IGF2BP1: variants seen among roughly 807,000 people sequenced by gnomAD.
The protein encoded by IGF2BP1 is insulin-like growth factor 2 mRNA-binding protein 1.
IGF2BP1 carries 11 observed loss-of-function variants against 74.9 expected under a neutral mutation model. The ratio of observed to expected loss-of-function variants is 0.15; its 90% CI spans 0.09 to 0.24. IGF2BP1 has a LOEUF of 0.24. Among genes scored for constraint, IGF2BP1 ranks in the 10% least tolerant of loss-of-function variants. The pLI, the probability that IGF2BP1 is intolerant of heterozygous loss-of-function variation, is 1.00. For missense variants in IGF2BP1, 440 were observed against 757.4 expected (o/e 0.58, Z 4.92); for synonymous variants, 287 against 281.8 (o/e 1.02, Z -0.18).
At chr17:49,042,172 C>T (rs910638353) in intron 8 of IGF2BP1, 70 bp from the exon 9 acceptor site, 72 of 1,599,144 alleles carry the variant, frequency 4.5e-5, no homozygotes, top group African/African-American at 2.6e-4. Context: ...GCTGGCCTCT[C>T]GTCTTTGTTA....
At chr17:49,004,032 C>A (rs1260452646) in intron 2 of IGF2BP1, among the ~76,000 whole-genome samples, 2 of 152,004 alleles carry the variant, frequency 1.3e-5, no homozygotes, top group Non-Finnish European at 2.9e-5. Context: ...CTGGAGCGCT[C>A]GCCCCGGCCC....
chr17:49,055,361 A>G lies in IGF2BP1; in HGVS notation c.*5917A>G, dbSNP rs1441325341. ...CCTGTCTCACCCCATCCCCCACCCT[A>G]TTCCTGCCAGTGAGTCCTTCCTGTG... is the stretch of plus-strand genomic sequence containing the variant. On this transcript the variant is annotated 3_prime_UTR_variant, in exon 15 of 15. Transcript: ENST00000290341. 6.3e-6 allele frequency: 2 copies of G among 318,928 alleles called. No individual in the cohort carries two copies. The highest frequency in any genetic ancestry group is 2.1e-5 in the African/African-American group (1 of 46,808). 19.8% of individuals were successfully genotyped at this position (318,928 alleles called of 1,614,324 possible).
chr17:49,015,891 C>T (rs1466664916), intron 2 of IGF2BP1, among the ~76,000 whole-genome samples: 1 of 152,178 alleles, frequency 6.6e-6, no homozygotes, highest in Non-Finnish European at 1.5e-5. Context: ...TAGCACCTTC[C>T]ACAAGTTGCT....
At chr17:49,039,872 G>T (rs1403332032) in intron 6 of IGF2BP1, 85 bp from the exon 7 acceptor site, 3 of 1,454,250 alleles carry the variant, frequency 2.1e-6, no homozygotes, top group African/African-American at 2.8e-5. Context: ...CTATGCCTTT[G>T]ACTGAGGAGG....
At chr17:48,999,619 G>T (rs1362567005) in intron 2 of IGF2BP1, among the ~76,000 whole-genome samples, 1 of 151,988 alleles carries the variant, frequency 6.6e-6, no homozygotes, top group Non-Finnish European at 1.5e-5. Context: ...CTCCCGAAGC[G>T]ATGTGGAATG....
intron 1 of IGF2BP1, among the ~76,000 whole-genome samples, chr17:48,998,410 C>T (rs923811223): frequency 3.3e-5 from 5 of 152,248 alleles, no homozygotes; most frequent in Non-Finnish European, 7.3e-5. Context: ...GGGAATGCAG[C>T]CCTCCAGCAG....
At chr17:49,020,650 C>CT (rs1215273055) in intron 2 of IGF2BP1, among the ~76,000 whole-genome samples, 1 of 152,162 alleles carries the variant, frequency 6.6e-6, no homozygotes, top group Non-Finnish European at 1.5e-5. Context: ...ATAAAAAACA[C>CT]TTAAGAGTTC....
intron 7 of IGF2BP1, 21 bp downstream of exon 7, chr17:49,040,112 G>A: frequency 6.2e-7 from 1 of 1,613,112 alleles, no homozygotes. Flanking sequence ...AGCTTTTCTT[G>A]GATCTTCAGG....
At position 49,039,851 on chromosome 17, in the gene IGF2BP1, A is replaced by G. The variant is rs911570563; in HGVS notation, c.684-106A>G. 1.4e-5 allele frequency: 17 copies of G among 1,204,814 alleles called. No individual in the cohort carries two copies. The African/African-American group carries it at 2.6e-4, about 18-fold the overall frequency. The allele number at this position is 1,204,814 out of a possible 1,614,324, so 74.6% of individuals were successfully genotyped here. A position where few individuals can be genotyped will look rare whatever the true frequency, so the allele number is the denominator to read the frequency against. ...TGTACTTGATTGTCCTTGTTTCAAGAAGAGCAGGTTCTATGCCTTTGACTG... is the reference window on the plus strand; with the variant it reads ...TGTACTTGATTGTCCTTGTTTCAAGGAGAGCAGGTTCTATGCCTTTGACTG... On this transcript the variant is annotated intron_variant, in intron 6 of 14. Transcript: ENST00000290341.
chr17:49,041,978 CTTGGAGGCACAACCATAATCTGAGA>C (rs993606429), intron 8 of IGF2BP1, among the ~76,000 whole-genome samples: 4 of 152,200 alleles, frequency 2.6e-5, no homozygotes, highest in East Asian at 3.8e-4. Flanking sequence ...AATGGGGAAA[CTTGGAGGCACAACCATAATCTGAGA>C]TTGGATCCAT....
intron 4 of IGF2BP1, among the ~76,000 whole-genome samples, chr17:49,030,892 G>C (rs994352633): frequency 1.3e-5 from 2 of 152,158 alleles, no homozygotes; most frequent in African/African-American, 2.4e-5. Context: ...GCCTCCCAAA[G>C]TGCTGGGGAT....
intron 2 of IGF2BP1, among the ~76,000 whole-genome samples, chr17:49,012,271 A>T (rs1483551391): frequency 1.3e-5 from 2 of 152,194 alleles, no homozygotes; most frequent in Non-Finnish European, 1.5e-5. Flanking sequence ...AAGATGAGAA[A>T]TGGGAATTCT....
At chr17:49,047,826 A>G (rs1489476625) in intron 14 of IGF2BP1, among the ~76,000 whole-genome samples, 2 of 149,178 alleles carry the variant, frequency 1.3e-5, no homozygotes, top group African/African-American at 5.0e-5. Flanking sequence ...TGATCCTCCC[A>G]CCTCAGGCCC....
At chr17:49,034,943 T>C (rs779991228) in intron 5 of IGF2BP1, among the ~76,000 whole-genome samples, 17 of 152,188 alleles carry the variant, frequency 1.1e-4, no homozygotes, top group Non-Finnish European at 2.1e-4. Flanking sequence ...TCGGCTGACA[T>C]TGACAAGTTG....
At chr17:49,015,514 C>T (rs1304694693) in intron 2 of IGF2BP1, among the ~76,000 whole-genome samples, 1 of 152,232 alleles carries the variant, frequency 6.6e-6, no homozygotes, top group East Asian at 1.9e-4. Flanking sequence ...CTCCCCATCT[C>T]AGATTGCAGG....
intron 2 of IGF2BP1, 24 bp from the exon 3 acceptor site, chr17:49,025,594 A>C: frequency 1.9e-6 from 3 of 1,609,560 alleles, no homozygotes; most frequent in Non-Finnish European, 2.5e-6. Flanking sequence ...GCTTTCTTTA[A>C]CTCTGCTCCC....
At chr17:49,043,757 C>CTT (rs2042078927) in intron 10 of IGF2BP1, among the ~76,000 whole-genome samples, 2 of 152,184 alleles carry the variant, frequency 1.3e-5, no homozygotes, top group African/African-American at 4.8e-5. Context: ...GGGGCATAGA[C>CTT]AGCACTGTTC....
chr17:49,034,037 C>T (rs4794020), intron 5 of IGF2BP1, among the ~76,000 whole-genome samples: 50,689 of 149,690 alleles, frequency 0.34, 9,090 homozygotes, highest in African/African-American at 0.42. Context: ...GTTGCCCAGG[C>T]TAGTGTCAAA....
chr17:49,043,993 G>T lies in IGF2BP1; in HGVS notation c.1227G>T (p.Gln409His), dbSNP rs2042082615. The T allele has an allele frequency of 6.2e-7, 1 of 1,614,074 alleles. No homozygotes were observed. The highest frequency in any genetic ancestry group is 1.3e-5 in the African/African-American group (1 of 75,026). Reference protein sequence around the residue: ...FMQAPEQEMVQVFIPAQAVGA... With the variant: ...FMQAPEQEMVHVFIPAQAVGA... The stretch of plus-strand genomic sequence containing the variant: ...AGGCTCCCGAGCAGGAGATGGTGCA[G>T]GTGTTTATCCCCGCCCAGGCAGTGG... The change falls in exon 11 of 15, where the codon CAG becomes CAT. Residue 409 changes from glutamine (Q) to histidine (H), a missense_variant. Physicochemically the swap from Gln to His is conservative, Grantham distance 24 (BLOSUM62 0). Coordinates refer to ENST00000290341, the MANE Select transcript of IGF2BP1 (RefSeq NM_006546.4).
Sources: gnomAD v4.1 joint callset for allele counts (sites outside exome capture counted in the v4.1 genomes callset) on GRCh38, gnomAD v4.1.1 for gene constraint, MANE v1.5 for transcripts, NCBI Gene and HGNC (gene_info 2026-07-23, HGNC 2026-07-21) for gene names.